The following EIPR1 variants were observed in gnomAD, a reference collection of about 807,000 sequenced individuals.
EIPR1 encodes the protein EARP complex and GARP complex interacting protein 1.
Under a neutral mutation model 48.1 loss-of-function variants are expected in EIPR1, and 25 were observed. The observed-to-expected ratio is 0.52, with a 90% CI of 0.38 to 0.73. The LOEUF is 0.73. Ranked by LOEUF, EIPR1 falls within the 30% of genes least tolerant of loss-of-function variation. The pLI, the probability that EIPR1 is intolerant of heterozygous loss-of-function variation, is 0.00. For missense variants in EIPR1, 415 were observed against 506.2 expected (o/e 0.82, Z 1.73); for synonymous variants, 204 against 201.9 (o/e 1.01, Z -0.09).
At chr2:3,371,913 A>C (rs1444511759) in intron 1 of EIPR1, among the ~76,000 whole-genome samples, 1 of 152,180 alleles carries the variant, frequency 6.6e-6, no homozygotes, top group Non-Finnish European at 1.5e-5. Flanking sequence ...CCCCACCCCA[A>C]ATCAACAGAA....
At chr2:3,353,320 T>G in intron 2 of EIPR1, 1 of 471,078 alleles carries the variant, frequency 2.1e-6, no homozygotes, top group South Asian at 1.5e-5. Flanking sequence ...TTCCAGTCTT[T>G]ATTCTAAGAA....
intron 6 of EIPR1, among the ~76,000 whole-genome samples, chr2:3,195,328 C>A (rs1664770008): frequency 6.6e-6 from 1 of 152,216 alleles, no homozygotes; most frequent in African/African-American, 2.4e-5. Context: ...TTACCTTCCT[C>A]ACCGCAGGCC....
chr2:3,267,255 A>G (rs1667518581), intron 3 of EIPR1, among the ~76,000 whole-genome samples: 2 of 152,250 alleles, frequency 1.3e-5, no homozygotes, highest in African/African-American at 2.4e-5. Flanking sequence ...TACAGAGCCA[A>G]TGATGACAGG....
At chr2:3,255,689 CCAG>C (rs1217770851) in intron 4 of EIPR1, among the ~76,000 whole-genome samples, 1 of 152,190 alleles carries the variant, frequency 6.6e-6, no homozygotes, top group African/African-American at 2.4e-5. Flanking sequence ...TCTGCACATC[CCAG>C]CAGGACTGCC....
At chr2:3,347,574 T>G (rs1041233132) in intron 2 of EIPR1, among the ~76,000 whole-genome samples, 3 of 152,194 alleles carry the variant, frequency 2.0e-5, no homozygotes, top group Non-Finnish European at 2.9e-5. Flanking sequence ...TTCTTTCCCG[T>G]CTCGGGTATG....
chr2:3,256,916 G>A (rs1267105967), intron 4 of EIPR1, among the ~76,000 whole-genome samples: 2 of 152,216 alleles, frequency 1.3e-5, no homozygotes, highest in Non-Finnish European at 2.9e-5. Context: ...CGGGAGGAAG[G>A]GATTGTAAGC....
At chr2:3,355,967 C>G (rs1670715427) in intron 1 of EIPR1, among the ~76,000 whole-genome samples, 1 of 152,174 alleles carries the variant, frequency 6.6e-6, no homozygotes, top group African/African-American at 2.4e-5. Context: ...GAAGCAAGCT[C>G]TAAAGTTCTA....
At chr2:3,341,455 G>A (rs763854565) in intron 2 of EIPR1, among the ~76,000 whole-genome samples, 5 of 152,186 alleles carry the variant, frequency 3.3e-5, no homozygotes, top group South Asian at 4.1e-4. Context: ...TACACTATGC[G>A]TGTATGTGCG....
chr2:3,271,053 C>T (rs1667688087), intron 3 of EIPR1, among the ~76,000 whole-genome samples: 1 of 152,186 alleles, frequency 6.6e-6, no homozygotes, highest in African/African-American at 2.4e-5. Flanking sequence ...GAGTAGATTC[C>T]ATCTCAAGAA....
At chr2:3,291,975 C>T (rs1390935624) in intron 3 of EIPR1, among the ~76,000 whole-genome samples, 2 of 152,272 alleles carry the variant, frequency 1.3e-5, no homozygotes, top group Non-Finnish European at 2.9e-5. Flanking sequence ...CTGGGCCATC[C>T]ACTCCAGGGG....
At chr2:3,213,653 T>C (rs887652374) in intron 5 of EIPR1, among the ~76,000 whole-genome samples, 1 of 152,178 alleles carries the variant, frequency 6.6e-6, no homozygotes, top group East Asian at 1.9e-4. Flanking sequence ...AAAACGCAGA[T>C]GTTTTGCAAG....
chr2:3,197,132 G>T, intron 5 of EIPR1, 115 bp from the exon 6 acceptor site: 1 of 1,188,918 alleles, frequency 8.4e-7, no homozygotes, highest in Non-Finnish European at 1.2e-6. Flanking sequence ...AATAATTACT[G>T]AGGATAATTA....
At chr2:3,288,482 C>T (rs1410653443) in intron 3 of EIPR1, among the ~76,000 whole-genome samples, 1 of 152,172 alleles carries the variant, frequency 6.6e-6, no homozygotes, top group East Asian at 1.9e-4. Flanking sequence ...GCTTCTCTGA[C>T]AGGTGGCAGA....
At chr2:3,294,925 G>A (rs1270853813) in intron 3 of EIPR1, among the ~76,000 whole-genome samples, 4 of 36,520 alleles carry the variant, frequency 1.1e-4, no homozygotes, top group Non-Finnish European at 1.0e-4. Context: ...ACACACACCC[G>A]CCATCCAGCC....
At chr2:3,274,413 C>T in intron 3 of EIPR1, 1 of 1,550,314 alleles carries the variant, frequency 6.5e-7, no homozygotes, top group East Asian at 2.4e-5. Context: ...CAGCACACAA[C>T]AAAATGCTAG....
At chr2:3,358,812 C>T (rs1025830165) in intron 1 of EIPR1, among the ~76,000 whole-genome samples, 2 of 152,212 alleles carry the variant, frequency 1.3e-5, no homozygotes, top group Non-Finnish European at 2.9e-5. Context: ...AACACCGGGA[C>T]AGGTCCACCT....
chr2:3,255,586 T>A (rs1211335302), intron 4 of EIPR1, among the ~76,000 whole-genome samples: 1 of 152,242 alleles, frequency 6.6e-6, no homozygotes, highest in African/African-American at 2.4e-5. Flanking sequence ...TGTCTTTGCA[T>A]ACAGTGTCTG....
In EIPR1 at chr2:3,338,052, G is replaced by A; in HGVS notation, c.224C>T (p.Ala75Val). ...GCAGGTCGTCAGCACACCTCTGTCT[G>A]CAGGGCTAGCGCTAATATGCCAGAT... ...GEIWHISASP[A>V]DRGVLTTCYN... Residue 75 changes from alanine (A) to valine (V), a missense_variant, in exon 3 of 9, where the codon GCA becomes GTA. Transcript: ENST00000382125. The A allele has an allele frequency of 6.2e-7, 1 of 1,611,436 alleles. No homozygotes were observed. Among genetic ancestry groups the A allele is most frequent in the Middle Eastern group, 1.7e-4 (1 of 6,052 alleles).
intron 3 of EIPR1, chr2:3,300,878 T>A (rs766597681): frequency 5.3e-5 from 8 of 152,206 alleles, no homozygotes; most frequent in Non-Finnish European, 1.2e-4. Flanking sequence ...CAGTGCCAAT[T>A]CCAACAGCAC....
Sources: gnomAD v4.1 joint callset for allele counts (sites outside exome capture counted in the v4.1 genomes callset) on GRCh38, gnomAD v4.1.1 for gene constraint, MANE v1.5 for transcripts, NCBI Gene and HGNC (gene_info 2026-07-23, HGNC 2026-07-21) for gene names.